Variants in PIBF1 observed in about 807,000 individuals in gnomAD.
PIBF1 encodes progesterone immunomodulatory binding factor 1, also known as progesterone-induced-blocking factor 1.
Under a neutral mutation model 112.5 loss-of-function variants are expected in PIBF1, and 90 were observed. The observed-to-expected ratio is 0.80, with a 90% CI of 0.67 to 0.95. The LOEUF (loss-of-function observed/expected upper bound fraction) is 0.95, where lower values mean the gene tolerates loss of function less well. Among genes scored for constraint, PIBF1 ranks in the 40% least tolerant of loss-of-function variants. The pLI, the probability that PIBF1 is intolerant of heterozygous loss-of-function variation, is 0.00. For synonymous variants in PIBF1, 301 were observed against 288.6 expected (o/e 1.04, Z -0.44); for missense variants, 915 against 852.3 (o/e 1.07, Z -0.92).
chr13:72,854,817 GT>G (rs561575042), intron 10 of PIBF1, among the ~76,000 whole-genome samples: 46 of 144,422 alleles, frequency 3.2e-4, no homozygotes, highest in African/African-American at 9.9e-4. Flanking sequence ...ATACTCCCTA[GT>G]TTTTTTTTTT....
chr13:72,968,873 C>G (rs2042818853), intron 15 of PIBF1, among the ~76,000 whole-genome samples: 1 of 151,502 alleles, frequency 6.6e-6, no homozygotes, highest in Admixed American at 6.6e-5. Flanking sequence ...GGTTTTGTCT[C>G]TACAAAAAAT....
At chr13:72,961,224 C>T (rs1274876910) in intron 14 of PIBF1, among the ~76,000 whole-genome samples, 1 of 152,110 alleles carries the variant, frequency 6.6e-6, no homozygotes, top group Non-Finnish European at 1.5e-5. Context: ...CCCAGCCAAC[C>T]TCATGGCTGA....
intron 7 of PIBF1, 117 bp from the exon 8 acceptor site, chr13:72,827,616 T>G: frequency 1.6e-6 from 1 of 612,096 alleles, no homozygotes; most frequent in Non-Finnish European, 2.6e-6. Context: ...TTAGCCCTTT[T>G]TAAAAGGAAA....
intron 10 of PIBF1, among the ~76,000 whole-genome samples, chr13:72,886,604 TTAC>T (rs1321869523): frequency 2.0e-5 from 3 of 152,190 alleles, no homozygotes; most frequent in Admixed American, 2.0e-4. Context: ...TGGCCAGATA[TTAC>T]TACATGTTGT....
intron 2 of PIBF1, among the ~76,000 whole-genome samples, chr13:72,790,829 T>C (rs2034886284): frequency 6.6e-6 from 1 of 152,158 alleles, no homozygotes; most frequent in Admixed American, 6.5e-5. Context: ...TTAACAAGAA[T>C]AGTTTCACTG....
chr13:73,006,658 C>CT (rs1465870434), intron 17 of PIBF1, among the ~76,000 whole-genome samples: 2 of 151,958 alleles, frequency 1.3e-5, no homozygotes, highest in Non-Finnish European at 2.9e-5. Flanking sequence ...ATTTCTAGCT[C>CT]TTTTTTTAGA....
intron 5 of PIBF1, among the ~76,000 whole-genome samples, chr13:72,820,617 A>AGGG (rs2036510152): frequency 6.6e-6 from 1 of 152,186 alleles, no homozygotes; most frequent in African/African-American, 2.4e-5. Context: ...TAGTTTAAAA[A>AGGG]GGACAAAATC....
At chr13:72,819,292 C>T (rs1391126781) in intron 5 of PIBF1, among the ~76,000 whole-genome samples, 1 of 152,112 alleles carries the variant, frequency 6.6e-6, no homozygotes, top group East Asian at 1.9e-4. Flanking sequence ...AACATGGCCT[C>T]TGATCTAAGA....
In PIBF1 at chr13:72,942,466, C is replaced by T. The variant is rs572142444; in HGVS notation, c.1833+11199C>T. Among the ~76,000 whole-genome samples, 7 of 152,034 alleles carry T rather than the reference C, an allele frequency of 4.6e-5. No homozygotes were observed. The South Asian group carries it at 1.0e-3, about 23-fold the overall frequency. On this transcript the variant is annotated intron_variant, in intron 14 of 17. Coordinates refer to ENST00000326291, the MANE Select transcript of PIBF1 (RefSeq NM_006346.4). The stretch of plus-strand genomic sequence containing the variant: ...CTGTGTTTTTCTTCTGTTTCAATGC[C>T]GAATCCCTTGTGATCTTTTTAGATA...
intron 11 of PIBF1, among the ~76,000 whole-genome samples, chr13:72,898,691 A>T (rs113569233): frequency 5.7e-5 from 8 of 140,248 alleles, no homozygotes; most frequent in African/African-American, 1.5e-4. Flanking sequence ...GCAAAAAAAA[A>T]AAAAAAATAA....
At chr13:72,884,863 G>A (rs1287073186) in intron 10 of PIBF1, among the ~76,000 whole-genome samples, 5 of 152,088 alleles carry the variant, frequency 3.3e-5, no homozygotes, top group African/African-American at 1.2e-4. Context: ...GGTCCATTAA[G>A]TCTAATGAGA....
intron 14 of PIBF1, among the ~76,000 whole-genome samples, chr13:72,934,501 G>T (rs969504498): frequency 1.1e-4 from 16 of 152,088 alleles, no homozygotes; most frequent in Admixed American, 8.5e-4. Flanking sequence ...GTTTCACCAT[G>T]TTGGCTAGGC....
At chr13:72,831,093 C>A (rs1450608515) in intron 8 of PIBF1, among the ~76,000 whole-genome samples, 1 of 151,928 alleles carries the variant, frequency 6.6e-6, no homozygotes, top group African/African-American at 2.4e-5. Context: ...GTTTTTATTT[C>A]TGTGGGATCG....
intron 9 of PIBF1, among the ~76,000 whole-genome samples, chr13:72,844,734 C>T (rs1594034383): frequency 1.0e-4 from 4 of 40,046 alleles, no homozygotes; most frequent in Non-Finnish European, 2.0e-4. Flanking sequence ...TATTTACACA[C>T]ACACACACAC....
At chr13:73,003,231 A>G (rs1358406687) in intron 17 of PIBF1, among the ~76,000 whole-genome samples, 7 of 151,996 alleles carry the variant, frequency 4.6e-5, no homozygotes, top group Admixed American at 6.6e-5. Context: ...TTGGAAAGCT[A>G]TATGTCATCT....
At position 72,998,996 on chromosome 13, in the gene PIBF1, G is replaced by C. The variant is rs778337176; in HGVS notation, c.2223+1G>C. ...ATTTACACCTAAACCAACACTCTTTGTAAGTACAATTTTTAAAACTCATAA... is the reference window on the plus strand; with the variant it reads ...ATTTACACCTAAACCAACACTCTTTCTAAGTACAATTTTTAAAACTCATAA... On this transcript the variant is annotated splice_donor_variant, in intron 17 of 17. Transcript: ENST00000326291. LOFTEE classifies it high-confidence loss of function. The C allele has an allele frequency of 6.5e-7, 1 of 1,544,504 alleles. No individual in the cohort carries two copies. Among genetic ancestry groups the C allele is most frequent in the Non-Finnish European group, 8.8e-7 (1 of 1,135,952 alleles).
At chr13:72,993,258 G>A (rs556045481) in intron 16 of PIBF1, among the ~76,000 whole-genome samples, 1 of 152,170 alleles carries the variant, frequency 6.6e-6, no homozygotes, top group Non-Finnish European at 1.5e-5. Context: ...CCAGGAGGCG[G>A]AGGTTGTAGT....
rs950281414 is a variant in PIBF1, at chr13:72,904,042, G to A, written c.1489-4489G>A. On this transcript the variant is annotated intron_variant, in intron 11 of 17. Transcript: ENST00000326291. ...TGTTTTAGTTAAGTTGGGAAATGAC[G>A]GGAAAATGGAAGTATCCTTTCCCAA... 1.1e-4 allele frequency among the ~76,000 whole-genome samples: 17 copies of A among 151,814 alleles called. 2 individuals are homozygous for A. The South Asian group carries it at 1.9e-3, about 17-fold the overall frequency.
intron 10 of PIBF1, among the ~76,000 whole-genome samples, chr13:72,863,837 G>A (rs117039521): frequency 9.9e-5 from 15 of 152,112 alleles, no homozygotes; most frequent in African/African-American, 1.4e-4. Context: ...AAATCTTTAC[G>A]TGTGAGATTT....
Sources: allele counts gnomAD v4.1 joint callset (sites outside exome capture counted in the v4.1 genomes callset), GRCh38; gene constraint gnomAD v4.1.1; transcripts MANE v1.5; gene names NCBI Gene and HGNC (gene_info 2026-07-23, HGNC 2026-07-21).